WWOX: variants seen among roughly 807,000 people sequenced by gnomAD.
WWOX encodes the protein WW domain-containing oxidoreductase.
WWOX carries 69 observed loss-of-function variants against 46.2 expected under a neutral mutation model. That is an observed-to-expected ratio of 1.49 (90% CI 1.23 to 1.82). The LOEUF (loss-of-function observed/expected upper bound fraction) is 1.82. Ranked by LOEUF, WWOX falls within the 40% of genes most tolerant of loss-of-function variation. The pLI is 0.00. For synonymous variants in WWOX, 359 were observed against 202.6 expected, an observed-to-expected ratio of 1.77 and a Z score of -6.56; for missense variants, 919 against 542.6, an observed-to-expected ratio of 1.69 and a Z score of -6.89.
chr16:78,104,451 C>G (rs983311152), intron 1 of WWOX, among the ~76,000 whole-genome samples: 9 of 152,108 alleles, frequency 5.9e-5, no homozygotes, highest in Non-Finnish European at 1.2e-4. Context: ...CTGCAGTGGG[C>G]TATGATTGCA....
chr16:79,139,347 G>T (rs1174090464), intron 8 of WWOX, among the ~76,000 whole-genome samples: 4 of 152,132 alleles, frequency 2.6e-5, no homozygotes, highest in Non-Finnish European at 5.9e-5. Flanking sequence ...TGGCATGTGG[G>T]GATCCACTTT....
At chr16:79,049,685 A>T (rs1201375234) in intron 8 of WWOX, among the ~76,000 whole-genome samples, 1 of 151,882 alleles carries the variant, frequency 6.6e-6, no homozygotes, top group Non-Finnish European at 1.5e-5. Context: ...AAAATACAAA[A>T]ATTAGCCTGG....
intron 8 of WWOX, among the ~76,000 whole-genome samples, chr16:78,726,829 G>A (rs538243223): frequency 1.2e-4 from 18 of 152,228 alleles, no homozygotes; most frequent in Non-Finnish European, 1.9e-4. Context: ...GAAATAGGAG[G>A]CTTTCAGTTT....
intron 5 of WWOX, among the ~76,000 whole-genome samples, chr16:78,337,435 TGCATTAGTGTG>T (rs1485460010): frequency 2.0e-5 from 3 of 152,176 alleles, no homozygotes; most frequent in Non-Finnish European, 4.4e-5. Flanking sequence ...ATTAACATCT[TGCATTAGTGTG>T]GCACATTTGC....
chr16:79,124,769 A>G (rs1237552372), intron 8 of WWOX, among the ~76,000 whole-genome samples: 1 of 152,234 alleles, frequency 6.6e-6, no homozygotes, highest in Non-Finnish European at 1.5e-5. Context: ...TAAATTGGTT[A>G]GAAAGTGTGC....
At chr16:78,198,151 G>A (rs35314035) in intron 5 of WWOX, among the ~76,000 whole-genome samples, 20,924 of 151,936 alleles carry the variant, frequency 0.14, 1,944 homozygotes, top group African/African-American at 0.27. Flanking sequence ...TCTGGCTCCT[G>A]GGGCAGGTGC....
intron 8 of WWOX, among the ~76,000 whole-genome samples, chr16:78,530,704 C>G (rs2043601331): frequency 6.6e-6 from 1 of 152,214 alleles, no homozygotes; most frequent in Admixed American, 6.5e-5. Flanking sequence ...CACCACGGAC[C>G]TGCCCTCTTC....
intron 8 of WWOX, among the ~76,000 whole-genome samples, chr16:78,536,482 A>G (rs933785571): frequency 6.6e-6 from 1 of 151,962 alleles, no homozygotes. Context: ...TCTCTGCTTT[A>G]GGTCCTCTCT....
chr16:79,167,618 C>T (rs898766618), intron 8 of WWOX, among the ~76,000 whole-genome samples: 13 of 152,142 alleles, frequency 8.5e-5, no homozygotes, highest in African/African-American at 3.1e-4. Flanking sequence ...CCACAGTGCC[C>T]AAGTCACTTG....
chr16:79,021,543 T>C (rs1304016501), intron 8 of WWOX, among the ~76,000 whole-genome samples: 12 of 152,188 alleles, frequency 7.9e-5, no homozygotes, highest in Admixed American at 7.2e-4. Context: ...ACACAGCTCA[T>C]GGTCGGTCCA....
chr16:79,011,812 AAAAC>A lies in WWOX; in HGVS notation c.1057-199792_1057-199789del, dbSNP rs560475474. Among the ~76,000 whole-genome samples, 13 of 152,142 alleles carry A rather than the reference AAAAC, an allele frequency of 8.5e-5. No individual in the cohort carries two copies. The South Asian group carries it at 2.7e-3, about 32-fold the overall frequency. On this transcript the variant is annotated intron_variant, in intron 8 of 8. Transcript: ENST00000566780. ...CCGGCCCCCTTTTTTAAAAAACAAA[AAAAC>A]AAAAAACTCTTTTGTGTTTTAGAAA...
chr16:78,737,169 G>A (rs1391384957), intron 8 of WWOX, among the ~76,000 whole-genome samples: 1 of 151,408 alleles, frequency 6.6e-6, no homozygotes, highest in Non-Finnish European at 1.5e-5. Context: ...GTATGATCTC[G>A]GCTCACTACA....
intron 5 of WWOX, among the ~76,000 whole-genome samples, chr16:78,199,628 C>G (rs2036168691): frequency 6.6e-6 from 1 of 152,162 alleles, no homozygotes; most frequent in African/African-American, 2.4e-5. Context: ...GGTACAGGTT[C>G]TAAATCTCCT....
intron 5 of WWOX, among the ~76,000 whole-genome samples, chr16:78,309,449 T>C (rs1207036500): frequency 6.6e-6 from 1 of 152,192 alleles, no homozygotes; most frequent in East Asian, 1.9e-4. Flanking sequence ...AATGGGCTAA[T>C]ATACCACGTA....
chr16:78,142,086 TTAAAATGCTTCC>T (rs2034008817), intron 4 of WWOX, among the ~76,000 whole-genome samples: 1 of 152,066 alleles, frequency 6.6e-6, no homozygotes, highest in Non-Finnish European at 1.5e-5. Context: ...AAGGTAATTA[TTAAAATGCTTCC>T]TTTGGTAGTC....
chr16:78,123,548 C>T (rs1258091089), intron 4 of WWOX: 9 of 143,510 alleles, frequency 6.3e-5, no homozygotes, highest in African/African-American at 2.3e-4. Context: ...ACCTTCGCCT[C>T]CCAGGTTGAA....
chr16:78,376,699 C>G (rs545133031), intron 5 of WWOX, among the ~76,000 whole-genome samples: 1 of 152,286 alleles, frequency 6.6e-6, no homozygotes, highest in African/African-American at 2.4e-5. Flanking sequence ...TGCCAGTTCA[C>G]TTTCCAACAA....
At chr16:79,107,722 C>T (rs1368292689) in intron 8 of WWOX, among the ~76,000 whole-genome samples, 1 of 152,136 alleles carries the variant, frequency 6.6e-6, no homozygotes, top group Non-Finnish European at 1.5e-5. Flanking sequence ...CATCCTTCCC[C>T]CAGAAATTCT....
At chr16:78,743,094 C>T (rs1167053854) in intron 8 of WWOX, among the ~76,000 whole-genome samples, 1 of 152,056 alleles carries the variant, frequency 6.6e-6, no homozygotes, top group Non-Finnish European at 1.5e-5. Context: ...CCGAAGGAAA[C>T]ATCCGTCTCT....
Sources: allele counts gnomAD v4.1 joint callset (sites outside exome capture counted in the v4.1 genomes callset), GRCh38; gene constraint gnomAD v4.1.1; transcripts MANE v1.5; gene names NCBI Gene and HGNC (gene_info 2026-07-23, HGNC 2026-07-21).